The following SLC34A2 variants were observed in gnomAD, a reference collection of about 807,000 sequenced individuals.
The protein encoded by SLC34A2 is solute carrier family 34 member 2.
A neutral mutation model predicts 50.8 loss-of-function variants in SLC34A2; 41 were observed. The observed-to-expected ratio is 0.81, with a 90% confidence interval of 0.63 to 1.05. The LOEUF (loss-of-function observed/expected upper bound fraction) is 1.05. SLC34A2 is among the 50% of genes least tolerant of loss of function. SLC34A2 has a pLI of 0.00. For synonymous variants in SLC34A2, 401 were observed against 364.2 expected, an observed-to-expected ratio of 1.10 and a Z score of -1.15; for missense variants, 879 against 876.7, an observed-to-expected ratio of 1.00 and a Z score of -0.03.
chr4:25,661,815 G>C (rs1440837949), intron 1 of SLC34A2, among the ~76,000 whole-genome samples: 2 of 152,008 alleles, frequency 1.3e-5, no homozygotes, highest in African/African-American at 4.8e-5. Context: ...TTGAAGGGTT[G>C]TGAGGATTTG....
intron 1 of SLC34A2, among the ~76,000 whole-genome samples, chr4:25,657,936 A>G (rs1180680311): frequency 6.6e-6 from 1 of 152,208 alleles, no homozygotes; most frequent in Non-Finnish European, 1.5e-5. Flanking sequence ...TAAGGGAAGC[A>G]GAGGAAAAGG....
rs2109063334 is a variant in SLC34A2 at position 25,676,869 on chromosome 4, A to G, written c.*120A>G. The G allele has an allele frequency of 2.1e-6, 3 of 1,401,518 alleles. No homozygotes were observed. Among genetic ancestry groups the G allele is most frequent in the East Asian group, 4.9e-5 (2 of 40,958 alleles). 86.8% of individuals were successfully genotyped at this position (1,401,518 alleles called of 1,614,324 possible). A position where few individuals can be genotyped will look rare whatever the true frequency, so the allele number is the denominator to read the frequency against. ...GATTTGCTCCCCATTAGCGAATGAAATTGATGCAGTCCTACCTAACTCGAT... is the reference window on the plus strand; with the variant it reads ...GATTTGCTCCCCATTAGCGAATGAAGTTGATGCAGTCCTACCTAACTCGAT... On this transcript the variant is annotated 3_prime_UTR_variant, in exon 13 of 13. Coordinates refer to ENST00000382051, the MANE Select transcript of SLC34A2 (RefSeq NM_006424.3).
intron 1 of SLC34A2, among the ~76,000 whole-genome samples, chr4:25,657,702 G>A (rs1469996048): frequency 6.6e-6 from 1 of 152,188 alleles, no homozygotes; most frequent in Non-Finnish European, 1.5e-5. Flanking sequence ...TGAGGCCCAG[G>A]CCAATTGCTT....
At position 25,662,737 on chromosome 4, in the gene SLC34A2, G is replaced by T. The variant is rs1480423478; in HGVS notation, c.145G>T (p.Glu49Ter). ...DNTEAPVTKI[E>*]LLPSYSTATL... ...CACTGAGGCACCTGTAACCAAGATT[G>T]AACTTCTGCCGTCCTACTCCACGGC... is the stretch of plus-strand genomic sequence containing the variant. The change falls in exon 3 of 13, where the codon GAA becomes TAA. Residue 49 changes from glutamate to a stop codon, truncating the protein, a stop_gained. Coordinates refer to ENST00000382051, the MANE Select transcript of SLC34A2 (RefSeq NM_006424.3). LOFTEE classifies it high-confidence loss of function. 1.2e-6 allele frequency: 2 copies of T among 1,614,024 alleles called. No homozygotes were observed. The highest frequency in any genetic ancestry group is 2.2e-5 in the South Asian group (2 of 91,070).
chr4:25,672,752 A>G (rs1323502468), intron 9 of SLC34A2, among the ~76,000 whole-genome samples: 1 of 151,862 alleles, frequency 6.6e-6, no homozygotes, highest in Admixed American at 6.6e-5. Flanking sequence ...CCCTCAAAGC[A>G]TACTTATCAT....
intron 7 of SLC34A2, among the ~76,000 whole-genome samples, chr4:25,670,088 T>C (rs1441826999): frequency 6.6e-6 from 1 of 152,188 alleles, no homozygotes; most frequent in African/African-American, 2.4e-5. Flanking sequence ...CTGGGCATGG[T>C]GGCGTGCACC....
rs773511170 is a variant in SLC34A2, at chr4:25,669,855, C to T, written c.831+13C>T. 6.5e-5 allele frequency: 104 copies of T among 1,611,006 alleles called. No homozygotes were observed. Among genetic ancestry groups the T allele is most frequent in the Non-Finnish European group, 8.0e-5 (94 of 1,177,252 alleles). On this transcript the variant is annotated intron_variant, in intron 7 of 12. Transcript: ENST00000382051. The stretch of plus-strand genomic sequence containing the variant: ...GCTCATTGTCCAGGTAACTTAGCTC[C>T]TTCAGAGAGAGAAGGAGACTAACTT...
At position 25,666,238 on chromosome 4, in the gene SLC34A2, A is replaced by G. The variant is rs777885336; in HGVS notation, c.490A>G (p.Thr164Ala). The change falls in exon 5 of 13, where the codon ACG becomes GCG. Residue 164 changes from threonine (T) to alanine (A), a missense_variant. By Grantham distance (58) the Thr-to-Ala change is moderately conservative. Coordinates refer to ENST00000382051, the MANE Select transcript of SLC34A2 (RefSeq NM_006424.3). ...CTTGGTGCAGAGCTCCAGCACCTCA[A>G]CGTCCATCGTTGTCAGCATGGTGTC... ...TVLVQSSSTS[T>A]SIVVSMVSSS... The G allele has an allele frequency of 6.2e-6, 10 of 1,614,022 alleles. No individual in the cohort carries two copies. Among genetic ancestry groups the G allele is most frequent in the Non-Finnish European group, 8.5e-6 (10 of 1,180,018 alleles).
intron 3 of SLC34A2, 126 bp from the exon 4 acceptor site, chr4:25,664,076 C>T: frequency 8.7e-6 from 8 of 920,464 alleles, no homozygotes; most frequent in East Asian, 2.4e-5. Context: ...AAGAACTTAA[C>T]GGCTGCCAGG....
At chr4:25,669,533 A>G in intron 6 of SLC34A2, 114 bp from the exon 7 acceptor site, 1 of 925,804 alleles carries the variant, frequency 1.1e-6, no homozygotes, top group Non-Finnish European at 1.8e-6. Context: ...ACATGTGCAC[A>G]CTTCCATAGG....
At chr4:25,670,668 A>G (rs529278366) in intron 7 of SLC34A2, 70 bp from the exon 8 acceptor site, 1,101 of 1,240,306 alleles carry the variant, frequency 8.9e-4, no homozygotes, top group Non-Finnish European at 1.2e-3. Flanking sequence ...TCTCACTTCA[A>G]CCCCCTGGGT....
chr4:25,666,222 G>C lies in SLC34A2; in HGVS notation c.474G>C (p.Gln158His). 6.2e-7 allele frequency: 1 copy of C among 1,614,052 alleles called. No individual in the cohort carries two copies. Among genetic ancestry groups the C allele is most frequent in the Non-Finnish European group, 8.5e-7 (1 of 1,180,038 alleles). Residue 158 changes from glutamine (Q) to histidine (H), a missense_variant, in exon 5 of 13, where the codon CAG (glutamine) becomes CAC (histidine). By Grantham distance (24) the Gln-to-His change is conservative. Coordinates refer to ENST00000382051, the MANE Select transcript of SLC34A2 (RefSeq NM_006424.3). ...VIGVLVTVLV[Q>H]SSSTSTSIVV... is the part of the protein sequence containing the mutation. ...GGGTGCTGGTGACCGTCTTGGTGCAGAGCTCCAGCACCTCAACGTCCATCG... is the reference window on the plus strand; with the variant it reads ...GGGTGCTGGTGACCGTCTTGGTGCACAGCTCCAGCACCTCAACGTCCATCG...
chr4:25,658,476 CAA>C (rs1227023374), intron 1 of SLC34A2, among the ~76,000 whole-genome samples: 1 of 152,214 alleles, frequency 6.6e-6, no homozygotes, highest in Non-Finnish European at 1.5e-5. Flanking sequence ...GAAGCCCAAA[CAA>C]TGCGAATGTA....
In SLC34A2 at chr4:25,674,406, C is replaced by A. The variant is rs778435287; in HGVS notation, c.1327C>A (p.Leu443Met). Residue 443 changes from leucine (L) to methionine (M), a missense_variant, in exon 11 of 13, where the codon CTG (leucine) becomes ATG (methionine). Coordinates refer to ENST00000382051, the MANE Select transcript of SLC34A2 (RefSeq NM_006424.3). The part of the protein sequence containing the change: ...SSVFTSALTP[L>M]IGIGVITIER... Reference sequence around the variant, plus strand: ...TGTGTTCACGTCGGCCTTGACCCCCCTGATTGGTGAGTTACACCCTGGCTT... The same window carrying A: ...TGTGTTCACGTCGGCCTTGACCCCCATGATTGGTGAGTTACACCCTGGCTT... The A allele has an allele frequency of 1.2e-6, 2 of 1,614,224 alleles. No individual in the cohort carries two copies. Among genetic ancestry groups the A allele is most frequent in the East Asian group, 4.5e-5 (2 of 44,888 alleles).
chr4:25,670,204 A>G (rs1488448276), intron 7 of SLC34A2, among the ~76,000 whole-genome samples: 2 of 152,234 alleles, frequency 1.3e-5, no homozygotes, highest in Non-Finnish European at 2.9e-5. Flanking sequence ...AGCCTGGGTG[A>G]CAAAGTGAGA....
At position 25,671,794 on chromosome 4, in the gene SLC34A2, C is replaced by A. The variant is rs1188312829; in HGVS notation, c.1048+73C>A. The stretch of plus-strand genomic sequence containing the variant: ...GGTGACCTATTTATCCGTGTGAAGT[C>A]CCAGTAAGTGAAGGAAAGGACAGTA... On this transcript the variant is annotated intron_variant, in intron 9 of 12. Coordinates refer to ENST00000382051, the MANE Select transcript of SLC34A2 (RefSeq NM_006424.3). 3.1e-6 allele frequency: 5 copies of A among 1,605,624 alleles called. No homozygotes were observed. In the African/African-American group the frequency reaches 5.4e-5, roughly 17 times the overall value.
chr4:25,669,894 TC>T (rs1714724748), intron 7 of SLC34A2, 52 bp downstream of exon 7: 2 of 1,445,166 alleles, frequency 1.4e-6, no homozygotes, highest in East Asian at 4.5e-5. Flanking sequence ...ACCCACAACA[TC>T]CCCTACCTGA....
At chr4:25,665,180 T>C (rs1714427827) in intron 4 of SLC34A2, 2 of 196,034 alleles carry the variant, frequency 1.0e-5, no homozygotes, top group Admixed American at 1.2e-4. Context: ...TTTTTTTTTT[T>C]TTTGAGACAG....
chr4:25,675,984 CCT>C (rs1715085716), intron 12 of SLC34A2, 149 bp from the exon 13 acceptor site: 11 of 1,260,384 alleles, frequency 8.7e-6, no homozygotes, highest in African/African-American at 1.5e-5. Flanking sequence ...ATCCAGGTAC[CCT>C]CTGGGCTGAG....
Sources: gnomAD v4.1 joint callset for allele counts (sites outside exome capture counted in the v4.1 genomes callset) on GRCh38, gnomAD v4.1.1 for gene constraint, MANE v1.5 for transcripts, NCBI Gene and HGNC (gene_info 2026-07-23, HGNC 2026-07-21) for gene names.